Variants in ENOX2 observed in about 807,000 individuals in gnomAD.
ENOX2 encodes the protein ecto-NOX disulfide-thiol exchanger 2.
Under a neutral mutation model 45.0 loss-of-function variants are expected in ENOX2, and 36 were observed. That is an observed-to-expected ratio of 0.80 (90% CI 0.61 to 1.06). The LOEUF (loss-of-function observed/expected upper bound fraction) is 1.06, where lower values mean the gene tolerates loss of function less well. Among genes scored for constraint, ENOX2 ranks in the 50% least tolerant of loss-of-function variants. The pLI, the probability that ENOX2 is intolerant of heterozygous loss-of-function variation, is 0.00. For synonymous variants in ENOX2, 174 were observed against 152.3 expected, an observed-to-expected ratio of 1.14 and a Z score of -1.05; for missense variants, 423 against 462.5, an observed-to-expected ratio of 0.91 and a Z score of 0.78.
At chrX:130,751,888 T>C (rs893918053) in intron 3 of ENOX2, among the ~76,000 whole-genome samples, 1 of 112,285 alleles carries the variant, frequency 8.9e-6, no homozygotes, top group Non-Finnish European at 1.9e-5. Context: ...ATTTGAGTCC[T>C]TAGCCTATGT....
chrX:130,666,097 A>G (rs181565300), intron 8 of ENOX2, among the ~76,000 whole-genome samples: 16 of 111,560 alleles, frequency 1.4e-4, no homozygotes, highest in Admixed American at 1.1e-3. Flanking sequence ...ACTTGTCTTT[A>G]GTTTAGTACT....
At chrX:130,814,244 T>G (rs2077441072) in intron 2 of ENOX2, among the ~76,000 whole-genome samples, 1 of 112,232 alleles carries the variant, frequency 8.9e-6, no homozygotes, top group Admixed American at 9.4e-5. Flanking sequence ...GCAGCCCCAG[T>G]CAGGGGATTA....
chrX:130,739,056 T>C (rs1331391821), intron 3 of ENOX2, among the ~76,000 whole-genome samples: 1 of 112,910 alleles, frequency 8.9e-6, no homozygotes, highest in African/African-American at 3.2e-5. Flanking sequence ...AGGGAAGTGA[T>C]GGAATTACTT....
chrX:130,730,000 T>A (rs1287580807), intron 3 of ENOX2, among the ~76,000 whole-genome samples: 2 of 112,071 alleles, frequency 1.8e-5, no homozygotes, highest in Non-Finnish European at 3.8e-5. Flanking sequence ...CAGGGTACGA[T>A]TCTCCTGCTA....
At chrX:130,663,565 A>G (rs1248427961) in intron 9 of ENOX2, among the ~76,000 whole-genome samples, 1 of 107,588 alleles carries the variant, frequency 9.3e-6, no homozygotes, top group East Asian at 2.9e-4. Context: ...ATTGTGACCT[A>G]GGCAAATCAG....
At chrX:130,859,042 G>A (rs1260268774) in intron 2 of ENOX2, among the ~76,000 whole-genome samples, 1 of 112,440 alleles carries the variant, frequency 8.9e-6, no homozygotes, top group Non-Finnish European at 1.9e-5. Flanking sequence ...AGAAATAACA[G>A]CCTGGCTGGG....
At chrX:130,855,243 A>G (rs1242104295) in intron 2 of ENOX2, among the ~76,000 whole-genome samples, 1 of 112,117 alleles carries the variant, frequency 8.9e-6, no homozygotes, top group East Asian at 2.8e-4. Context: ...TCTATATATT[A>G]GCAATGAATA....
intron 2 of ENOX2, among the ~76,000 whole-genome samples, chrX:130,883,818 T>C (rs1363502379): frequency 9.0e-6 from 1 of 111,671 alleles, no homozygotes; most frequent in East Asian, 2.8e-4. Flanking sequence ...AACCAGAACC[T>C]ACAAATCTCC....
chrX:130,666,620 G>A (rs952319581), intron 8 of ENOX2, among the ~76,000 whole-genome samples: 1 of 111,028 alleles, frequency 9.0e-6, no homozygotes, highest in Non-Finnish European at 1.9e-5. Context: ...GTCCCATGAT[G>A]CGTGCTGCTT....
intron 2 of ENOX2, among the ~76,000 whole-genome samples, chrX:130,800,799 T>C (rs985161533): frequency 8.9e-6 from 1 of 112,262 alleles, no homozygotes; most frequent in Non-Finnish European, 1.9e-5. Flanking sequence ...TACAATTTAG[T>C]AAGAGTGACA....
intron 2 of ENOX2, among the ~76,000 whole-genome samples, chrX:130,869,968 C>T (rs754530813): frequency 8.9e-6 from 1 of 112,016 alleles, no homozygotes; most frequent in Non-Finnish European, 1.9e-5. Context: ...TCAAGAACTA[C>T]AAATTCTACT....
At chrX:130,676,202 T>C (rs752438507) in intron 6 of ENOX2, among the ~76,000 whole-genome samples, 2 of 111,967 alleles carry the variant, frequency 1.8e-5, no homozygotes, top group Non-Finnish European at 3.8e-5. Flanking sequence ...TCATTAAAGA[T>C]GCTACAATGC....
intron 2 of ENOX2, among the ~76,000 whole-genome samples, chrX:130,892,785 G>C (rs1362941190): frequency 8.9e-6 from 1 of 112,637 alleles, no homozygotes; most frequent in African/African-American, 3.2e-5. Flanking sequence ...GTTGATTTCA[G>C]AGCACAAAAG....
intron 3 of ENOX2, among the ~76,000 whole-genome samples, chrX:130,718,349 T>C (rs936614943): frequency 3.6e-5 from 4 of 111,724 alleles, no homozygotes; most frequent in Non-Finnish European, 7.5e-5. Context: ...GTGACGGAGC[T>C]GTGAGTATTG....
At chrX:130,625,517 A>G in intron 14 of ENOX2, 72 bp from the exon 15 acceptor site, 1 of 1,067,846 alleles carries the variant, frequency 9.4e-7, no homozygotes, top group Non-Finnish European at 1.3e-6. Context: ...AGTGTTGCCT[A>G]CTTTAGAATG....
intron 2 of ENOX2, among the ~76,000 whole-genome samples, chrX:130,875,337 C>A (rs1252896695): frequency 7.5e-5 from 8 of 106,463 alleles, no homozygotes; most frequent in Non-Finnish European, 1.6e-4. Context: ...CCCAGAAAAA[C>A]CAAAACAATC....
chrX:130,752,175 A>T (rs2039238576), intron 3 of ENOX2, among the ~76,000 whole-genome samples: 1 of 108,313 alleles, frequency 9.2e-6, no homozygotes, highest in Admixed American at 9.8e-5. Flanking sequence ...TTTCTTTTTT[A>T]GTCTGTCTCT....
At chrX:130,802,698 G>A (rs776984656) in intron 2 of ENOX2, among the ~76,000 whole-genome samples, 9 of 111,722 alleles carry the variant, frequency 8.1e-5, no homozygotes, top group Non-Finnish European at 1.5e-4. Context: ...CTAGTCAACA[G>A]GAGAGTTGCA....
chrX:130,880,608 T>C (rs2078792456), intron 2 of ENOX2, among the ~76,000 whole-genome samples: 1 of 112,356 alleles, frequency 8.9e-6, no homozygotes, highest in African/African-American at 3.2e-5. Context: ...GCTGAAAAGT[T>C]GTGAGTCATG....
Sources: gnomAD v4.1 joint callset for allele counts (sites outside exome capture counted in the v4.1 genomes callset) on GRCh38, gnomAD v4.1.1 for gene constraint, MANE v1.5 for transcripts, NCBI Gene and HGNC (gene_info 2026-07-23, HGNC 2026-07-21) for gene names.